QPRT: variants seen among roughly 807,000 people sequenced by gnomAD.
The protein encoded by QPRT is quinolinate phosphoribosyltransferase, also known as nicotinate-nucleotide pyrophosphorylase [carboxylating].
A neutral mutation model predicts 19.8 loss-of-function variants in QPRT; 17 were observed. That is an observed-to-expected ratio of 0.86 (90% CI 0.59 to 1.29). The LOEUF is 1.29. Among genes scored for constraint, QPRT ranks in the 50% most tolerant of loss-of-function variants. The pLI is 0.00. For missense variants in QPRT, 336 were observed against 405.1 expected, an observed-to-expected ratio of 0.83 and a Z score of 1.46; for synonymous variants, 178 against 191.0, an observed-to-expected ratio of 0.93 and a Z score of 0.56.
At chr16:29,680,537 GT>G (rs1567326707) in intron 1 of QPRT, among the ~76,000 whole-genome samples, 1 of 152,158 alleles carries the variant, frequency 6.6e-6, no homozygotes, top group Admixed American at 6.5e-5. Context: ...AAACCCAGGG[GT>G]CCATGCTCTA....
intron 1 of QPRT, among the ~76,000 whole-genome samples, chr16:29,680,164 A>C (rs1258790779): frequency 6.6e-6 from 1 of 151,884 alleles, no homozygotes; most frequent in Non-Finnish European, 1.5e-5. Context: ...TCACCATGTT[A>C]GCCAGGATGG....
At chr16:29,684,390 G>C (rs1967100969) in intron 1 of QPRT, among the ~76,000 whole-genome samples, 1 of 152,146 alleles carries the variant, frequency 6.6e-6, no homozygotes. Context: ...CTGCCTCCCA[G>C]GTTCAAGCGA....
At chr16:29,684,265 G>A (rs1345049305) in intron 1 of QPRT, among the ~76,000 whole-genome samples, 8 of 152,132 alleles carry the variant, frequency 5.3e-5, no homozygotes, top group Non-Finnish European at 1.0e-4. Flanking sequence ...GACTACAGGC[G>A]TGCACCCCCA....
intron 1 of QPRT, among the ~76,000 whole-genome samples, chr16:29,690,897 G>C (rs541785447): frequency 3.9e-5 from 6 of 152,144 alleles, no homozygotes; most frequent in African/African-American, 1.4e-4. Context: ...CACCATGTTG[G>C]AGAGGCTGGT....
At chr16:29,689,429 A>T (rs1395416472) in intron 1 of QPRT, among the ~76,000 whole-genome samples, 1 of 152,154 alleles carries the variant, frequency 6.6e-6, no homozygotes, top group East Asian at 1.9e-4. Context: ...GTACATGTGC[A>T]GGTTTATTAT....
chr16:29,694,513 C>T, intron 1 of QPRT, 151 bp from the exon 2 acceptor site: 5 of 749,234 alleles, frequency 6.7e-6, no homozygotes, highest in Non-Finnish European at 1.0e-5. Flanking sequence ...CCCCACGCCC[C>T]CCTTCCTCAC....
intron 1 of QPRT, among the ~76,000 whole-genome samples, chr16:29,683,726 A>G (rs1967080622): frequency 1.3e-5 from 2 of 151,992 alleles, no homozygotes; most frequent in African/African-American, 4.8e-5. Flanking sequence ...CTCTTCCCCA[A>G]CCTGGATCCC....
rs1162902320 is a variant in QPRT, at chr16:29,698,153, GTGCACAGCAGATGGAGGTT to G, written c.*746_*764del. The G allele has an allele frequency of 6.6e-6, 1 of 152,306 alleles. No individual in the cohort carries two copies. Among genetic ancestry groups the G allele is most frequent in the Non-Finnish European group, 1.5e-5 (1 of 68,166 alleles). 9.4% of individuals were successfully genotyped at this position (152,306 alleles called of 1,614,324 possible). A position where few individuals can be genotyped will look rare whatever the true frequency, so the allele number is the denominator to read the frequency against. Reference sequence around the variant, plus strand: ...AAACACCAGCATGGCCTGGCTGTGAGTGCACAGCAGATGGAGGTTTGCTGGGCAGAGACACTGGGCTGGC... The same window carrying G: ...AAACACCAGCATGGCCTGGCTGTGAGTGCTGGGCAGAGACACTGGGCTGGC... On this transcript the variant is annotated 3_prime_UTR_variant, in exon 4 of 4. Transcript: ENST00000395384.
chr16:29,697,291 G>C lies in QPRT; in HGVS notation c.774G>C (p.Gln258His), dbSNP rs145579996. 2.8e-4 allele frequency: 448 copies of C among 1,614,190 alleles called. 1 individual carries two copies. The African/African-American group carries it at 5.6e-3, about 20-fold the overall frequency. ...SGGITLDNLP[Q>H]FCGPHIDVIS... The stretch of plus-strand genomic sequence containing the variant: ...GCATCACCCTGGACAACCTCCCCCA[G>C]TTCTGCGGGCCGCACATAGACGTCA... The change falls in exon 4 of 4, where the codon CAG (glutamine) becomes CAC (histidine). Residue 258 changes from glutamine (Q) to histidine (H), a missense_variant. Gln to His is a conservative substitution (Grantham distance 24, BLOSUM62 0). Transcript: ENST00000395384. The surrounding 1 kb of genome is among the most constrained non-coding windows in gnomAD (Gnocchi z 4.4).
chr16:29,690,847 G>T (rs914448894), intron 1 of QPRT, among the ~76,000 whole-genome samples: 1 of 151,876 alleles, frequency 6.6e-6, no homozygotes, highest in African/African-American at 2.4e-5. Context: ...ATGCCACCAC[G>T]CCCGGCTAGT....
intron 1 of QPRT, among the ~76,000 whole-genome samples, chr16:29,685,100 C>T (rs1967123854): frequency 6.6e-6 from 1 of 152,206 alleles, no homozygotes. Flanking sequence ...GGAAATAGCC[C>T]TCAAATCTAC....
chr16:29,694,129 T>C (rs1567332015), intron 1 of QPRT, among the ~76,000 whole-genome samples: 1 of 151,734 alleles, frequency 6.6e-6, no homozygotes, highest in Non-Finnish European at 1.5e-5. Context: ...AGTTTAATTT[T>C]TTTTTTTGAG....
At position 29,697,652 on chromosome 16, in the gene QPRT, T is replaced by G; in HGVS notation, c.*241T>G. The G allele has an allele frequency of 1.9e-6, 1 of 533,518 alleles. No individual in the cohort carries two copies. The highest frequency in any genetic ancestry group is 3.3e-6 in the Non-Finnish European group (1 of 301,950). The allele number at this position is 533,518 out of a possible 1,614,324, so 33.0% of individuals were successfully genotyped here. ...GGATCAACCACATGGGGTTCTGCGGTGATAATGAGCACATAGTGAGGGGTC... is the reference window on the plus strand; with the variant it reads ...GGATCAACCACATGGGGTTCTGCGGGGATAATGAGCACATAGTGAGGGGTC... On this transcript the variant is annotated 3_prime_UTR_variant, in exon 4 of 4. Transcript: ENST00000395384. The surrounding 1 kb of genome is among the most constrained non-coding windows in gnomAD (Gnocchi z 4.4).
Position 29,697,395 on chromosome 16 carries a change from T to G in QPRT, c.878T>G (p.Val293Gly), listed in dbSNP as rs1196031139. The G allele has an allele frequency of 1.2e-6, 2 of 1,612,692 alleles. No homozygotes were observed. The highest frequency in any genetic ancestry group is 2.2e-5 in the South Asian group (2 of 91,056). ...LKLFAKEVAP[V>G]PKIH ...CTGTTTGCCAAAGAGGTGGCTCCAG[T>G]GCCCAAAATCCACTAGTCCTAAACC... is the stretch of plus-strand genomic sequence containing the variant. The change falls in exon 4 of 4, where the codon GTG (valine) becomes GGG (glycine). Residue 293 changes from valine (V) to glycine (G), a missense_variant. Val to Gly is a moderately radical substitution (Grantham distance 109, BLOSUM62 -3). Coordinates refer to ENST00000395384, the MANE Select transcript of QPRT (RefSeq NM_014298.6). The surrounding 1 kb of genome is among the most constrained non-coding windows in gnomAD (Gnocchi z 4.4).
chr16:29,691,292 G>A (rs1386573514), intron 1 of QPRT, among the ~76,000 whole-genome samples: 1 of 148,828 alleles, frequency 6.7e-6, no homozygotes, highest in South Asian at 2.1e-4. Flanking sequence ...TGGAACCCGC[G>A]GGACGGAGGT....
intron 1 of QPRT, among the ~76,000 whole-genome samples, chr16:29,684,566 CT>C (rs1967107176): frequency 6.6e-6 from 1 of 152,098 alleles, no homozygotes; most frequent in Non-Finnish European, 1.5e-5. Context: ...CCAGGATGGT[CT>C]TGATCTCCTG....
chr16:29,693,766 T>C (rs1967425561), intron 1 of QPRT, among the ~76,000 whole-genome samples: 2 of 151,456 alleles, frequency 1.3e-5, no homozygotes, highest in South Asian at 4.2e-4. Context: ...TTTGTATTTT[T>C]AGTAGAGACA....
In QPRT at chr16:29,695,143, G is replaced by A. The variant is rs1165800362; in HGVS notation, c.493G>A (p.Gly165Arg). ...GGAASHRYDL[G>R]GLVMVKDNHV... ...GGCCGCCTCGCACCGCTACGACCTG[G>A]GAGGGCTGGTGATGGTGAAGGATAA... Residue 165 changes from glycine to arginine, a missense_variant, in exon 2 of 4, where the codon GGA (glycine) becomes AGA (arginine). Coordinates refer to ENST00000395384, the MANE Select transcript of QPRT (RefSeq NM_014298.6). 1 of 1,580,522 alleles carries A rather than the reference G, an allele frequency of 6.3e-7. No homozygotes were observed. Among genetic ancestry groups the A allele is most frequent in the Non-Finnish European group, 8.6e-7 (1 of 1,164,056 alleles).
chr16:29,690,955 C>T (rs1006912900), intron 1 of QPRT, among the ~76,000 whole-genome samples: 1 of 151,870 alleles, frequency 6.6e-6, no homozygotes, highest in Admixed American at 6.6e-5. Context: ...TCCCAAAGTG[C>T]TGGAATTACG....
Sources: gnomAD v4.1 joint callset for allele counts (sites outside exome capture counted in the v4.1 genomes callset) on GRCh38, gnomAD v4.1.1 for gene constraint, Gnocchi (gnomAD v3.1) non-coding constraint, MANE v1.5 for transcripts, NCBI Gene and HGNC (gene_info 2026-07-23, HGNC 2026-07-21) for gene names.